The following MAMDC2 variants were observed in gnomAD, a reference collection of about 807,000 sequenced individuals.
The protein encoded by MAMDC2 is MAM domain containing 2, also known as MAM domain-containing protein 2.
In MAMDC2, 57 loss-of-function variants were observed where a neutral mutation model predicts 89.8. That is an observed-to-expected ratio of 0.63 (90% CI 0.51 to 0.79). The LOEUF is 0.79. Among genes scored for constraint, MAMDC2 ranks in the 30% least tolerant of loss-of-function variants. MAMDC2 has a pLI of 0.00. For missense variants in MAMDC2, 800 were observed against 820.6 expected, an observed-to-expected ratio of 0.97 and a Z score of 0.31; for synonymous variants, 313 against 293.4, an observed-to-expected ratio of 1.07 and a Z score of -0.68.
chr9:70,044,784 G>A lies in MAMDC2; in HGVS notation c.148+87G>A, dbSNP rs146009874. On this transcript the variant is annotated intron_variant, in intron 2 of 13. Coordinates refer to ENST00000377182, the MANE Select transcript of MAMDC2 (RefSeq NM_153267.5). The stretch of plus-strand genomic sequence containing the variant: ...TTTCCCACATGGGTAATGTTATCTT[G>A]GAGTTAATTCTCCGCGGCAAGAAAA... The A allele has an allele frequency of 3.7e-5, 36 of 971,100 alleles. No homozygotes were observed. The East Asian group carries it at 8.9e-4, about 24-fold the overall frequency. The allele number at this position is 971,100 out of a possible 1,614,324, so 60.2% of individuals were successfully genotyped here.
chr9:70,072,144 T>C (rs1827423420), intron 2 of MAMDC2, among the ~76,000 whole-genome samples: 1 of 152,228 alleles, frequency 6.6e-6, no homozygotes, highest in South Asian at 2.1e-4. Context: ...TTTAGTGTTT[T>C]GGTAATTTGG....
Position 70,204,917 on chromosome 9 carries a change from C to T in MAMDC2, c.1652-13420C>T, listed in dbSNP as rs527798980. 5.9e-5 allele frequency among the ~76,000 whole-genome samples: 9 copies of T among 152,328 alleles called. No homozygotes were observed. The East Asian group carries it at 1.5e-3, about 26-fold the overall frequency. On this transcript the variant is annotated intron_variant, in intron 11 of 13. Transcript: ENST00000377182. ...CAATGCCCCGCCCTGCTTCAGCTCG[C>T]GCATGGTGCGCACACCCACTGGCCT...
intron 2 of MAMDC2, among the ~76,000 whole-genome samples, chr9:70,067,327 G>A (rs541558186): frequency 6.6e-6 from 1 of 152,246 alleles, no homozygotes; most frequent in African/African-American, 2.4e-5. Flanking sequence ...CCTGAAGAGG[G>A]ATCTGCAGCA....
intron 11 of MAMDC2, among the ~76,000 whole-genome samples, chr9:70,213,789 G>C (rs933435816): frequency 2.0e-5 from 3 of 152,210 alleles, no homozygotes; most frequent in African/African-American, 2.4e-5. Context: ...AAATACTTCA[G>C]ATAGTGTAGA....
At chr9:70,196,062 T>G (rs903378276) in intron 11 of MAMDC2, among the ~76,000 whole-genome samples, 2 of 152,130 alleles carry the variant, frequency 1.3e-5, no homozygotes, top group African/African-American at 2.4e-5. Context: ...CAAAAGGATT[T>G]CTTAACGTGG....
chr9:70,099,889 C>T (rs1172051644), intron 2 of MAMDC2, among the ~76,000 whole-genome samples: 6 of 151,712 alleles, frequency 4.0e-5, no homozygotes, highest in Non-Finnish European at 5.9e-5. Flanking sequence ...GCAGGAGAAT[C>T]GCTTGAACCT....
chr9:70,059,326 C>T (rs142267343), intron 2 of MAMDC2, among the ~76,000 whole-genome samples: 62 of 152,184 alleles, frequency 4.1e-4, no homozygotes, highest in African/African-American at 1.3e-3. Flanking sequence ...AACCCAGTGA[C>T]GAAGGTACCC....
At chr9:70,214,159 G>A (rs1291321190) in intron 11 of MAMDC2, among the ~76,000 whole-genome samples, 4 of 152,114 alleles carry the variant, frequency 2.6e-5, no homozygotes, top group African/African-American at 9.7e-5. Context: ...AAATTATACA[G>A]TATGTTAAGA....
chr9:70,220,458 A>G (rs2033534430), intron 12 of MAMDC2, among the ~76,000 whole-genome samples: 2 of 152,196 alleles, frequency 1.3e-5, no homozygotes, highest in Non-Finnish European at 1.5e-5. Context: ...TCCCTCAGGA[A>G]TCCAAATGAT....
At chr9:70,177,888 G>A (rs981405919) in intron 11 of MAMDC2, among the ~76,000 whole-genome samples, 4 of 152,210 alleles carry the variant, frequency 2.6e-5, no homozygotes, top group Non-Finnish European at 4.4e-5. Flanking sequence ...CACCAAAGCA[G>A]AGTGTCTTCT....
At chr9:70,181,869 C>A (rs1054565302) in intron 11 of MAMDC2, among the ~76,000 whole-genome samples, 2 of 152,110 alleles carry the variant, frequency 1.3e-5, no homozygotes, top group Non-Finnish European at 2.9e-5. Flanking sequence ...CCTGATTGCC[C>A]TGGACAGAAC....
At chr9:70,197,752 C>T (rs114955166) in intron 11 of MAMDC2, among the ~76,000 whole-genome samples, 10 of 152,212 alleles carry the variant, frequency 6.6e-5, no homozygotes, top group African/African-American at 1.9e-4. Flanking sequence ...AAACCTTCAA[C>T]GATTGAGGAT....
chr9:70,185,246 C>G (rs1180797037), intron 11 of MAMDC2, among the ~76,000 whole-genome samples: 1 of 152,234 alleles, frequency 6.6e-6, no homozygotes, highest in Non-Finnish European at 1.5e-5. Flanking sequence ...TTGCTCCTTT[C>G]TCTGGAAGCT....
At chr9:70,170,326 C>A in intron 10 of MAMDC2, 153 bp from the exon 11 acceptor site, 1 of 649,056 alleles carries the variant, frequency 1.5e-6, no homozygotes, top group Non-Finnish European at 2.4e-6. Flanking sequence ...TAGCTGGAAG[C>A]AGTGGCTCCG....
chr9:70,057,164 C>T (rs1453265760), intron 2 of MAMDC2, among the ~76,000 whole-genome samples: 1 of 152,088 alleles, frequency 6.6e-6, no homozygotes, highest in African/African-American at 2.4e-5. Flanking sequence ...TCCCTGGTGC[C>T]AAAAAGTTTG....
At position 70,143,699 on chromosome 9, in the gene MAMDC2, A is replaced by G; in HGVS notation, c.1284A>G (p.Leu428=). ...GATTTTTAAAAATGAGTGACACCCT[A>G]GCAGTTTACATCTTTGAAGAGAACC... The part of the protein sequence containing the change: ...IYGFLKMSDT[L]AVYIFEENHV... The change falls in exon 9 of 14, where the codon CTA becomes CTG. Residue 428 remains leucine, a synonymous_variant. Coordinates refer to ENST00000377182, the MANE Select transcript of MAMDC2 (RefSeq NM_153267.5). 6.2e-7 allele frequency: 1 copy of G among 1,614,184 alleles called. No homozygotes were observed. Among genetic ancestry groups the G allele is most frequent in the Non-Finnish European group, 8.5e-7 (1 of 1,180,014 alleles).
chr9:70,225,850 A>G lies in MAMDC2; in HGVS notation c.1996+16A>G. 3 of 1,580,820 alleles carry G rather than the reference A, an allele frequency of 1.9e-6. No individual in the cohort carries two copies. The highest frequency in any genetic ancestry group is 2.6e-6 in the Non-Finnish European group (3 of 1,151,386). ...CCCTGTGGAGGTAATATTTTTTCCC[A>G]ATCATATAAGCTTGACTGAAAATGG... On this transcript the variant is annotated intron_variant, in intron 13 of 13. Transcript: ENST00000377182.
At chr9:70,049,399 C>T (rs1826837775) in intron 2 of MAMDC2, among the ~76,000 whole-genome samples, 2 of 152,062 alleles carry the variant, frequency 1.3e-5, no homozygotes, top group African/African-American at 2.4e-5. Flanking sequence ...GTGATGAATC[C>T]TGCCTGCTAT....
intron 2 of MAMDC2, among the ~76,000 whole-genome samples, chr9:70,045,302 C>T (rs1826722031): frequency 1.3e-5 from 2 of 152,152 alleles, no homozygotes; most frequent in Admixed American, 6.5e-5. Flanking sequence ...TGGTCATTGT[C>T]TTACTACTCT....
Sources: gnomAD v4.1 joint callset for allele counts (sites outside exome capture counted in the v4.1 genomes callset) on GRCh38, gnomAD v4.1.1 for gene constraint, MANE v1.5 for transcripts, NCBI Gene and HGNC (gene_info 2026-07-23, HGNC 2026-07-21) for gene names.